SMAP1: variants seen among roughly 807,000 people sequenced by gnomAD.
SMAP1 encodes the protein small ArfGAP 1, also known as stromal membrane-associated protein 1.
A neutral mutation model predicts 58.5 loss-of-function variants in SMAP1; 24 were observed. The ratio of observed to expected loss-of-function variants is 0.41; its 90% CI spans 0.30 to 0.58. The LOEUF is 0.58. Ranked by LOEUF, SMAP1 falls within the 20% of genes least tolerant of loss-of-function variation. The pLI, the probability that SMAP1 is intolerant of heterozygous loss-of-function variation, is 0.29. For missense variants in SMAP1, 563 were observed against 566.3 expected (o/e 0.99, Z 0.06); for synonymous variants, 216 against 196.6 (o/e 1.10, Z -0.82).
chr6:70,819,466 G>A (rs1459410780), intron 6 of SMAP1, among the ~76,000 whole-genome samples: 1 of 152,038 alleles, frequency 6.6e-6, no homozygotes, highest in African/African-American at 2.4e-5. Context: ...TCCTGTTTCA[G>A]GTCTTCATAC....
At chr6:70,689,089 T>G (rs1387987124) in intron 1 of SMAP1, among the ~76,000 whole-genome samples, 1 of 152,100 alleles carries the variant, frequency 6.6e-6, no homozygotes, top group African/African-American at 2.4e-5. Flanking sequence ...ATACCCTACG[T>G]CCCAATCTGC....
intron 6 of SMAP1, among the ~76,000 whole-genome samples, chr6:70,828,989 T>C (rs1450664521): frequency 6.6e-6 from 1 of 152,206 alleles, no homozygotes; most frequent in Non-Finnish European, 1.5e-5. Flanking sequence ...AAGGCTGCCG[T>C]GAGCTGCGAT....
chr6:70,777,063 C>A (rs1239400677), intron 4 of SMAP1, among the ~76,000 whole-genome samples: 1 of 152,152 alleles, frequency 6.6e-6, no homozygotes, highest in Non-Finnish European at 1.5e-5. Flanking sequence ...TGAGAAACCT[C>A]CATATTATCC....
At chr6:70,668,259 T>C in intron 1 of SMAP1, 118 bp downstream of exon 1, 1 of 956,226 alleles carries the variant, frequency 1.0e-6, no homozygotes, top group Non-Finnish European at 1.5e-6. Flanking sequence ...GCTCCTGCCC[T>C]GACTGGAGGG....
intron 4 of SMAP1, among the ~76,000 whole-genome samples, chr6:70,787,891 G>T (rs900541636): frequency 2.8e-4 from 42 of 152,044 alleles, no homozygotes; most frequent in Admixed American, 2.2e-3. Flanking sequence ...AGTCAGTGTG[G>T]CGATTCCTCA....
At chr6:70,729,612 G>T (rs1435751602) in intron 1 of SMAP1, among the ~76,000 whole-genome samples, 1 of 151,952 alleles carries the variant, frequency 6.6e-6, no homozygotes, top group African/African-American at 2.4e-5. Context: ...GCAGTTTTCT[G>T]ACTCCACGAG....
chr6:70,717,994 G>T (rs1333967), intron 1 of SMAP1, among the ~76,000 whole-genome samples: 75,276 of 151,910 alleles, frequency 0.5, 18,985 homozygotes, highest in Non-Finnish European at 0.52. Flanking sequence ...AGAGCAGATT[G>T]TTATAGAAGC....
rs1765284163 is a variant in SMAP1 at position 70,728,557 on chromosome 6, T to G, written c.119-3821T>G. On this transcript the variant is annotated intron_variant, in intron 1 of 10. Coordinates refer to ENST00000370455, the MANE Select transcript of SMAP1 (RefSeq NM_001044305.3). ...AAAATTATACAGTCGATTCCCTTAC[T>G]GTAGGTGATACAGAAGGTTATATAA... Among the ~76,000 whole-genome samples the G allele has an allele frequency of 2.6e-5, 4 of 152,356 alleles. No individual in the cohort carries two copies. The East Asian group carries it at 7.7e-4, about 29-fold the overall frequency.
intron 1 of SMAP1, among the ~76,000 whole-genome samples, chr6:70,669,640 A>G (rs1372596834): frequency 1.3e-5 from 2 of 152,184 alleles, no homozygotes; most frequent in African/African-American, 4.8e-5. Flanking sequence ...CATTGACTGC[A>G]CTAGCAAAAC....
intron 6 of SMAP1, 111 bp downstream of exon 6, chr6:70,798,848 C>A: frequency 1.1e-6 from 1 of 906,624 alleles, no homozygotes; most frequent in Non-Finnish European, 1.6e-6. Context: ...TTATTTTCAA[C>A]AAGCAATTGT....
chr6:70,831,329 G>A (rs1249813592), intron 6 of SMAP1, among the ~76,000 whole-genome samples: 3 of 152,016 alleles, frequency 2.0e-5, no homozygotes, highest in African/African-American at 7.2e-5. Context: ...TAGGTAAATT[G>A]CATGTCACAG....
At chr6:70,754,390 C>T (rs922314202) in intron 2 of SMAP1, among the ~76,000 whole-genome samples, 1 of 151,970 alleles carries the variant, frequency 6.6e-6, no homozygotes, top group African/African-American at 2.4e-5. Flanking sequence ...TTTCTATGAA[C>T]TGAACTTATA....
chr6:70,717,203 A>C (rs1260221427), intron 1 of SMAP1, among the ~76,000 whole-genome samples: 2 of 152,170 alleles, frequency 1.3e-5, no homozygotes, highest in Non-Finnish European at 1.5e-5. Context: ...TTCTATCTTT[A>C]GGGAGAAGCT....
intron 4 of SMAP1, among the ~76,000 whole-genome samples, chr6:70,787,545 A>C (rs1298047395): frequency 1.3e-5 from 2 of 152,136 alleles, no homozygotes; most frequent in Non-Finnish European, 2.9e-5. Context: ...TTTGCAATCT[A>C]CTCATCTGAC....
intron 1 of SMAP1, among the ~76,000 whole-genome samples, chr6:70,705,965 C>G (rs1195654959): frequency 2.6e-5 from 4 of 152,106 alleles, no homozygotes; most frequent in East Asian, 1.9e-4. Flanking sequence ...TTCATGAACT[C>G]AGAGTCCATT....
chr6:70,692,299 T>A (rs1767202664), intron 1 of SMAP1, among the ~76,000 whole-genome samples: 1 of 152,268 alleles, frequency 6.6e-6, no homozygotes, highest in South Asian at 2.1e-4. Flanking sequence ...TTTTTTCCTA[T>A]GGAGTTGTTT....
At chr6:70,675,490 A>G (rs1367259506) in intron 1 of SMAP1, among the ~76,000 whole-genome samples, 2 of 151,956 alleles carry the variant, frequency 1.3e-5, no homozygotes. Context: ...ATCTCTATTA[A>G]AAATACAAAA....
intron 2 of SMAP1, among the ~76,000 whole-genome samples, chr6:70,744,613 A>G (rs1360838569): frequency 6.6e-6 from 1 of 152,190 alleles, no homozygotes; most frequent in Non-Finnish European, 1.5e-5. Context: ...TGTTATTGTG[A>G]ATAGTGCTGC....
intron 1 of SMAP1, among the ~76,000 whole-genome samples, chr6:70,723,643 A>G (rs1768631156): frequency 6.6e-6 from 1 of 152,144 alleles, no homozygotes. Flanking sequence ...TGCCTTCCAT[A>G]GGAGTATAAG....
Sources: gnomAD v4.1 joint callset for allele counts (sites outside exome capture counted in the v4.1 genomes callset) on GRCh38, gnomAD v4.1.1 for gene constraint, MANE v1.5 for transcripts, NCBI Gene and HGNC (gene_info 2026-07-23, HGNC 2026-07-21) for gene names.